GPATCH2: variants seen among roughly 807,000 people sequenced by gnomAD.
The protein encoded by GPATCH2 is G patch domain-containing protein 2.
A neutral mutation model predicts 58.0 loss-of-function variants in GPATCH2; 51 were observed. The ratio of observed to expected loss-of-function variants is 0.88; its 90% CI spans 0.70 to 1.11. The LOEUF is 1.11. GPATCH2 is among the 50% of genes most tolerant of loss of function. GPATCH2 has a pLI of 0.00. For synonymous variants in GPATCH2, 222 were observed against 218.5 expected, an observed-to-expected ratio of 1.02 and a Z score of -0.14; for missense variants, 625 against 652.2, an observed-to-expected ratio of 0.96 and a Z score of 0.45.
intron 9 of GPATCH2, among the ~76,000 whole-genome samples, chr1:217,438,632 T>G (rs571794422): frequency 6.6e-6 from 1 of 151,948 alleles, no homozygotes; most frequent in Non-Finnish European, 1.5e-5. Context: ...TTGAAGATCA[T>G]CTAAATGAAA....
chr1:217,452,444 C>T (rs561592321), intron 8 of GPATCH2, among the ~76,000 whole-genome samples: 41 of 152,236 alleles, frequency 2.7e-4, no homozygotes, highest in African/African-American at 9.6e-4. Flanking sequence ...TACTTGAGTG[C>T]CTGATATTAG....
In GPATCH2 at chr1:217,498,823, G is replaced by GC. The variant is rs1195689871; in HGVS notation, c.1167-429dup. ...CAACAATATTACATTATCTAGCTAT[G>GC]CCCCCAGGAGCAATACACAAAGCCC... On this transcript the variant is annotated intron_variant, in intron 6 of 9. Transcript: ENST00000366935. The GC allele has an allele frequency of 3.7e-5, 9 of 241,062 alleles. No individual in the cohort carries two copies. In the East Asian group the frequency reaches 1.2e-3, roughly 33 times the overall value. The allele number at this position is 241,062 out of a possible 1,614,324, so 14.9% of individuals were successfully genotyped here.
chr1:217,595,870 C>T (rs1667802393), intron 5 of GPATCH2, among the ~76,000 whole-genome samples: 1 of 152,040 alleles, frequency 6.6e-6, no homozygotes, highest in African/African-American at 2.4e-5. Flanking sequence ...TATAAACGTG[C>T]TCCTTAGAAA....
Position 217,606,377 on chromosome 1 carries a change from G to A in GPATCH2, c.1098+3944C>T, listed in dbSNP as rs183607805. On this transcript the variant is annotated intron_variant, in intron 5 of 9. Transcript: ENST00000366935. Reference sequence around the variant, plus strand: ...CAGACCATATTAAAGAAAGAGGCCAGTTCAAATATAAAAGAGGTATAAAAG... The same window carrying A: ...CAGACCATATTAAAGAAAGAGGCCAATTCAAATATAAAAGAGGTATAAAAG... 2.1e-3 allele frequency among the ~76,000 whole-genome samples: 318 copies of A among 151,956 alleles called. 1 individual carries two copies. Among genetic ancestry groups the A allele is most frequent in the Non-Finnish European group, 3.9e-3 (265 of 67,926 alleles).
At position 217,539,189 on chromosome 1, in the gene GPATCH2, G is replaced by A. The variant is rs1323387103; in HGVS notation, c.1099-24300C>T. On this transcript the variant is annotated intron_variant, in intron 5 of 9. Transcript: ENST00000366935. ...ATAAAACATTGACAAGTATGAGCTC[G>A]ATTCTAATATATTAAGGCTAATTTC... Among the ~76,000 whole-genome samples the A allele has an allele frequency of 2.0e-5, 3 of 151,818 alleles. 1 individual carries two copies. The highest frequency in any genetic ancestry group is 1.3e-4 in the Admixed American group (2 of 15,226).
intron 5 of GPATCH2, among the ~76,000 whole-genome samples, chr1:217,571,116 T>C (rs889710043): frequency 1.1e-4 from 16 of 152,314 alleles, no homozygotes; most frequent in African/African-American, 3.8e-4. Context: ...TTTAATTATA[T>C]CAGACCGTGT....
intron 8 of GPATCH2, among the ~76,000 whole-genome samples, chr1:217,480,782 A>G (rs1661178871): frequency 6.6e-6 from 1 of 152,234 alleles, no homozygotes; most frequent in African/African-American, 2.4e-5. Flanking sequence ...GTACATATAC[A>G]TAATGGAGTA....
intron 8 of GPATCH2, among the ~76,000 whole-genome samples, chr1:217,480,518 G>C (rs1265372140): frequency 2.0e-5 from 3 of 151,816 alleles, no homozygotes; most frequent in African/African-American, 7.2e-5. Context: ...GTGGAGAAAA[G>C]GGAACCCTTT....
chr1:217,615,417 C>T (rs1668836347), intron 2 of GPATCH2, among the ~76,000 whole-genome samples: 1 of 152,044 alleles, frequency 6.6e-6, no homozygotes, highest in Non-Finnish European at 1.5e-5. Flanking sequence ...AAAATATTTT[C>T]TAAGAGCATC....
At chr1:217,442,382 C>T (rs1004726631) in intron 9 of GPATCH2, among the ~76,000 whole-genome samples, 6 of 152,082 alleles carry the variant, frequency 3.9e-5, no homozygotes, top group Non-Finnish European at 7.4e-5. Flanking sequence ...AGGAGAAATA[C>T]ATAATGTAGA....
chr1:217,473,678 A>C (rs1197102092), intron 8 of GPATCH2, among the ~76,000 whole-genome samples: 1 of 152,196 alleles, frequency 6.6e-6, no homozygotes, highest in Non-Finnish European at 1.5e-5. Flanking sequence ...TAGACTTATC[A>C]AACAGAAGTG....
At position 217,479,576 on chromosome 1, in the gene GPATCH2, AAG is replaced by A. The variant is rs199797110; in HGVS notation, c.1277+12102_1277+12103del. On this transcript the variant is annotated intron_variant, in intron 8 of 9. Coordinates refer to ENST00000366935, the MANE Select transcript of GPATCH2 (RefSeq NM_018040.5). ...TACCAGAGAAAATCACCTTCACTAAAAGGAAGACAAGAAAGAAAGAAAGAAGA... is the reference window on the plus strand; with the variant it reads ...TACCAGAGAAAATCACCTTCACTAAAGAAGACAAGAAAGAAAGAAAGAAGA... Among the ~76,000 whole-genome samples, 1,280 of 152,252 alleles carry A rather than the reference AAG, an allele frequency of 8.4e-3. 23 individuals are homozygous for A. The highest frequency in any genetic ancestry group is 0.029 in the African/African-American group (1,225 of 41,570).
At chr1:217,585,432 C>A (rs994593068) in intron 5 of GPATCH2, among the ~76,000 whole-genome samples, 3 of 152,030 alleles carry the variant, frequency 2.0e-5, no homozygotes, top group African/African-American at 7.2e-5. Context: ...ACCATCCTGG[C>A]CAACATGGTG....
Position 217,631,074 on chromosome 1 carries a change from A to G in GPATCH2, c.-103T>C. 5 of 1,123,504 alleles carry G rather than the reference A, an allele frequency of 4.5e-6. 1 individual carries two copies. The South Asian group carries it at 5.6e-5, about 13-fold the overall frequency. The allele number at this position is 1,123,504 out of a possible 1,614,324, so 69.6% of individuals were successfully genotyped here. A position where few individuals can be genotyped will look rare whatever the true frequency, so the allele number is the denominator to read the frequency against. ...AAGAGCAGTTCAGCATTTTGAGATG[A>G]GCTTCCGGAAGCCGACAGGCGGCGG... is the stretch of plus-strand genomic sequence containing the variant. On this transcript the variant is annotated 5_prime_UTR_variant, in exon 1 of 10. Coordinates refer to ENST00000366935, the MANE Select transcript of GPATCH2 (RefSeq NM_018040.5).
At chr1:217,565,501 T>C (rs1666179026) in intron 5 of GPATCH2, among the ~76,000 whole-genome samples, 1 of 152,176 alleles carries the variant, frequency 6.6e-6, no homozygotes, top group Non-Finnish European at 1.5e-5. Flanking sequence ...AAAACAGGCA[T>C]GGACAACTGT....
intron 5 of GPATCH2, among the ~76,000 whole-genome samples, chr1:217,590,459 C>T (rs1667538926): frequency 6.6e-6 from 1 of 152,174 alleles, no homozygotes; most frequent in Non-Finnish European, 1.5e-5. Context: ...TCTCTACCAC[C>T]TTAAGGTTGC....
chr1:217,537,301 G>A (rs1664524893), intron 5 of GPATCH2, among the ~76,000 whole-genome samples: 1 of 152,114 alleles, frequency 6.6e-6, no homozygotes. Flanking sequence ...TGACAATACA[G>A]TCTGTTTCAA....
At chr1:217,465,628 C>T (rs1261719037) in intron 8 of GPATCH2, among the ~76,000 whole-genome samples, 1 of 152,198 alleles carries the variant, frequency 6.6e-6, no homozygotes, top group Non-Finnish European at 1.5e-5. Context: ...GCTTCTTCCT[C>T]ATTCTCTCTT....
At chr1:217,505,778 G>T (rs983839851) in intron 6 of GPATCH2, among the ~76,000 whole-genome samples, 15 of 152,072 alleles carry the variant, frequency 9.9e-5, no homozygotes, top group Non-Finnish European at 1.3e-4. Context: ...GTAGCCACTA[G>T]CCATCTATGG....
Sources: allele counts gnomAD v4.1 joint callset (sites outside exome capture counted in the v4.1 genomes callset), GRCh38; gene constraint gnomAD v4.1.1; transcripts MANE v1.5; gene names NCBI Gene and HGNC (gene_info 2026-07-23, HGNC 2026-07-21).